The following STPG1 variants were observed in gnomAD, a reference collection of about 807,000 sequenced individuals.
STPG1 encodes the protein sperm tail PG-rich repeat containing 1, also known as O(6)-methylguanine-induced apoptosis 2.
Under a neutral mutation model 40.1 loss-of-function variants are expected in STPG1, and 33 were observed. The ratio of observed to expected loss-of-function variants is 0.82; its 90% confidence interval spans 0.62 to 1.10. STPG1 has a LOEUF of 1.10. STPG1 is among the 50% of genes least tolerant of loss of function. STPG1 has a pLI of 0.00. For synonymous variants in STPG1, 150 were observed against 155.0 expected (o/e 0.97, Z 0.24); for missense variants, 396 against 415.1 (o/e 0.95, Z 0.40).
chr1:24,402,799 CA>C (rs1415879929), intron 1 of STPG1, among the ~76,000 whole-genome samples: 1 of 149,736 alleles, frequency 6.7e-6, no homozygotes, highest in Non-Finnish European at 1.5e-5. Context: ...AACCCAAAAA[CA>C]ATTGGATTTA....
At chr1:24,407,590 A>G (rs1264090082) in intron 1 of STPG1, among the ~76,000 whole-genome samples, 2 of 151,822 alleles carry the variant, frequency 1.3e-5, no homozygotes, top group Non-Finnish European at 2.9e-5. Flanking sequence ...GGTGCCTGCC[A>G]CCATGCCTGG....
chr1:24,391,828 TA>T (rs3215501), intron 2 of STPG1, 149 bp from the exon 3 acceptor site: 1,038 of 1,090,748 alleles, frequency 9.5e-4, no homozygotes, highest in Non-Finnish European at 1.0e-3. Flanking sequence ...GAAACCGGAT[TA>T]AAAAAAAAAT....
chr1:24,363,554 T>G (rs1641260045), intron 7 of STPG1, among the ~76,000 whole-genome samples: 1 of 152,236 alleles, frequency 6.6e-6, no homozygotes, highest in African/African-American at 2.4e-5. Context: ...CTTAACCTCC[T>G]TAAGCCTCAA....
intron 1 of STPG1, among the ~76,000 whole-genome samples, chr1:24,407,451 T>A (rs1643456642): frequency 6.6e-6 from 1 of 151,512 alleles, no homozygotes; most frequent in Non-Finnish European, 1.5e-5. Context: ...TGATTTTTTT[T>A]TTTTTTTTTT....
rs1231851830 is a variant in STPG1, at chr1:24,395,613, T to C, written c.71-3934A>G. On this transcript the variant is annotated intron_variant, in intron 2 of 8. Coordinates refer to ENST00000337248, the MANE Select transcript of STPG1 (RefSeq NM_001199013.2). ...GCGCCCGGCTAATTTTTTGTATTTT[T>C]AGTAGAGACGGGGTTTCACCGTGTT... 2.0e-5 allele frequency among the ~76,000 whole-genome samples: 3 copies of C among 152,000 alleles called. No individual in the cohort carries two copies. The East Asian group carries it at 5.8e-4, about 29-fold the overall frequency.
In STPG1 at chr1:24,408,835, T is replaced by C. The variant is rs990201876; in HGVS notation, c.-69+4839A>G. On this transcript the variant is annotated intron_variant, in intron 1 of 8. Transcript: ENST00000337248. ...AATGAGTAAAGGATTGAATAAATGA[T>C]TTTACACTCTACTGGTCCTTTTCCA... is the stretch of plus-strand genomic sequence containing the variant. 2.0e-5 allele frequency among the ~76,000 whole-genome samples: 3 copies of C among 152,252 alleles called. No homozygotes were observed. In the East Asian group the frequency reaches 5.8e-4, roughly 29 times the overall value.
chr1:24,384,978 A>G (rs929465771), intron 3 of STPG1, among the ~76,000 whole-genome samples: 1 of 152,134 alleles, frequency 6.6e-6, no homozygotes. Context: ...GTGAGGTATG[A>G]TCAGGGCTAC....
At chr1:24,388,068 A>T (rs989552089) in intron 3 of STPG1, among the ~76,000 whole-genome samples, 4 of 152,242 alleles carry the variant, frequency 2.6e-5, no homozygotes, top group Admixed American at 6.5e-5. Context: ...TCTAGAGCAC[A>T]TGGTACCTAT....
chr1:24,385,308 G>A (rs1642458576), intron 3 of STPG1, among the ~76,000 whole-genome samples: 1 of 152,230 alleles, frequency 6.6e-6, no homozygotes, highest in Non-Finnish European at 1.5e-5. Context: ...GGTGACGACA[G>A]GGGTGCTGAT....
chr1:24,365,465 G>T (rs1301292904), intron 7 of STPG1, among the ~76,000 whole-genome samples: 1 of 152,202 alleles, frequency 6.6e-6, no homozygotes, highest in Admixed American at 6.5e-5. Context: ...AACCTTGGCT[G>T]ATACTTCACT....
chr1:24,387,436 C>A (rs1471200781), intron 3 of STPG1, among the ~76,000 whole-genome samples: 1 of 152,100 alleles, frequency 6.6e-6, no homozygotes, highest in Admixed American at 6.5e-5. Flanking sequence ...GGAGGTAAGA[C>A]AGCACACACA....
chr1:24,358,572 CGTT>C lies in STPG1; in HGVS notation c.973_975del (p.Asn325del). The stretch of plus-strand genomic sequence containing the variant: ...AGAACCGGGATCCATTTCTTGTCCT[CGTT>C]GTAGAGGAAGGACTGCTTTCCTGGA... On this transcript the variant is annotated inframe_deletion, in exon 9 of 9. Coordinates refer to ENST00000337248, the MANE Select transcript of STPG1 (RefSeq NM_001199013.2). 2 of 1,614,100 alleles carry C rather than the reference CGTT, an allele frequency of 1.2e-6. No homozygotes were observed. Among genetic ancestry groups the C allele is most frequent in the Non-Finnish European group, 1.7e-6 (2 of 1,179,972 alleles).
chr1:24,392,562 G>A (rs1028799757), intron 2 of STPG1, among the ~76,000 whole-genome samples: 2 of 152,258 alleles, frequency 1.3e-5, no homozygotes, highest in South Asian at 2.1e-4. Flanking sequence ...GTCCAGCCTC[G>A]CTTTCCAACC....
chr1:24,364,409 G>A (rs903207110), intron 7 of STPG1: 60 of 1,500,100 alleles, frequency 4.0e-5, no homozygotes, highest in Non-Finnish European at 5.2e-5. Flanking sequence ...GACGACGGCA[G>A]GTCACATCTG....
intron 5 of STPG1, among the ~76,000 whole-genome samples, 176 bp from the exon 6 acceptor site, chr1:24,373,986 C>T (rs1159399666): frequency 1.3e-5 from 2 of 152,172 alleles, no homozygotes; most frequent in African/African-American, 4.8e-5. Flanking sequence ...CCCTGTCATC[C>T]CAGCTCAAGT....
chr1:24,370,789 CTT>C (rs34898446), intron 6 of STPG1, among the ~76,000 whole-genome samples: 3 of 147,106 alleles, frequency 2.0e-5, no homozygotes, highest in Non-Finnish European at 1.5e-5. Flanking sequence ...CTGTGCCCAG[CTT>C]TTTTTTTTTT....
At chr1:24,384,973 G>A (rs919431521) in intron 3 of STPG1, among the ~76,000 whole-genome samples, 1 of 152,188 alleles carries the variant, frequency 6.6e-6, no homozygotes, top group African/African-American at 2.4e-5. Flanking sequence ...TTACAGTGAG[G>A]TATGATCAGG....
intron 7 of STPG1, among the ~76,000 whole-genome samples, chr1:24,363,668 A>G (rs1641268728): frequency 6.6e-6 from 1 of 152,250 alleles, no homozygotes; most frequent in South Asian, 2.1e-4. Context: ...ATCTGTTCGA[A>G]TAGAGGTTAA....
At chr1:24,380,938 A>C (rs563376790) in intron 4 of STPG1, among the ~76,000 whole-genome samples, 14 of 152,196 alleles carry the variant, frequency 9.2e-5, no homozygotes, top group Non-Finnish European at 2.1e-4. Context: ...TCCTAGAAGT[A>C]AGGTCACCCC....
Sources: gnomAD v4.1 joint callset for allele counts (sites outside exome capture counted in the v4.1 genomes callset) on GRCh38, gnomAD v4.1.1 for gene constraint, MANE v1.5 for transcripts, NCBI Gene and HGNC (gene_info 2026-07-23, HGNC 2026-07-21) for gene names.